CHCHD6: variants seen among roughly 807,000 people sequenced by gnomAD.
CHCHD6 encodes the protein coiled-coil-helix-coiled-coil-helix domain containing 6, also known as MICOS complex subunit MIC25.
In CHCHD6, 28 loss-of-function variants were observed where a neutral mutation model predicts 32.3. The ratio of observed to expected loss-of-function variants is 0.87; its 90% CI spans 0.64 to 1.19. The LOEUF is 1.19. Ranked by LOEUF, CHCHD6 falls within the 50% of genes most tolerant of loss-of-function variation. CHCHD6 has a pLI of 0.00. For missense variants in CHCHD6, 333 were observed against 307.0 expected (o/e 1.08, Z -0.63); for synonymous variants, 122 against 117.5 (o/e 1.04, Z -0.25).
At position 126,876,965 on chromosome 3, in the gene CHCHD6, A is replaced by G. The variant is rs377065277; in HGVS notation, c.495+24235A>G. Among the ~76,000 whole-genome samples, 32 of 152,332 alleles carry G rather than the reference A, an allele frequency of 2.1e-4. No individual in the cohort carries two copies. In the East Asian group the frequency reaches 2.3e-3, roughly 11 times the overall value. ...TTGCAATGGAATCTGAGCAGCATCCAAAGCACTTTGGGTAGGAGGAGCATC... is the reference window on the plus strand; with the variant it reads ...TTGCAATGGAATCTGAGCAGCATCCGAAGCACTTTGGGTAGGAGGAGCATC... On this transcript the variant is annotated intron_variant, in intron 5 of 7. Coordinates refer to ENST00000290913, the MANE Select transcript of CHCHD6 (RefSeq NM_032343.3).
In CHCHD6 at chr3:126,899,278, T is replaced by C. The variant is rs1012272343; in HGVS notation, c.496-15402T>C. ...TAACTCACAGAGTTTTCCTTATTCC[T>C]ATCCTGGTCGTTGTTTTGATTATGA... On this transcript the variant is annotated intron_variant, in intron 5 of 7. Coordinates refer to ENST00000290913, the MANE Select transcript of CHCHD6 (RefSeq NM_032343.3). Among the ~76,000 whole-genome samples, 37 of 152,354 alleles carry C rather than the reference T, an allele frequency of 2.4e-4. 1 individual carries two copies. Among genetic ancestry groups the C allele is most frequent in the African/African-American group, 7.9e-4 (33 of 41,588 alleles).
chr3:126,935,210 G>A lies in CHCHD6; in HGVS notation c.566+20460G>A, dbSNP rs2078462127. ...AGGTAGTGGTGAGCGGGATGGCAGG[G>A]CTGGCATGAGGCAGAGGGCTCAGTG... On this transcript the variant is annotated intron_variant, in intron 6 of 7. Coordinates refer to ENST00000290913, the MANE Select transcript of CHCHD6 (RefSeq NM_032343.3). 16 of 949,176 alleles carry A rather than the reference G, an allele frequency of 1.7e-5. No individual in the cohort carries two copies. The South Asian group carries it at 7.3e-4, about 43-fold the overall frequency. The allele number at this position is 949,176 out of a possible 1,614,324, so 58.8% of individuals were successfully genotyped here.
intron 4 of CHCHD6, among the ~76,000 whole-genome samples, chr3:126,764,457 T>A (rs923358173): frequency 6.6e-6 from 1 of 152,142 alleles, no homozygotes; most frequent in Non-Finnish European, 1.5e-5. Context: ...TTAAAGGATT[T>A]AACCCATTCG....
intron 4 of CHCHD6, among the ~76,000 whole-genome samples, chr3:126,840,100 G>A (rs776262134): frequency 1.3e-5 from 2 of 152,090 alleles, no homozygotes; most frequent in Admixed American, 6.5e-5. Context: ...TTAGCGTAAC[G>A]TTTTCAAGGT....
chr3:126,706,309 A>G (rs1934485762), intron 1 of CHCHD6, among the ~76,000 whole-genome samples: 2 of 152,234 alleles, frequency 1.3e-5, no homozygotes, highest in African/African-American at 4.8e-5. Context: ...CTCTGTATTT[A>G]AAGATGGAGA....
chr3:126,797,893 A>G (rs770831713), intron 4 of CHCHD6, among the ~76,000 whole-genome samples: 4 of 152,114 alleles, frequency 2.6e-5, no homozygotes, highest in South Asian at 2.1e-4. Flanking sequence ...GAAGAGTAAC[A>G]GGGCGCCTCC....
At chr3:126,907,885 A>G (rs1285034481) in intron 5 of CHCHD6, among the ~76,000 whole-genome samples, 1 of 152,060 alleles carries the variant, frequency 6.6e-6, no homozygotes, top group Non-Finnish European at 1.5e-5. Context: ...TTCCCAAGGG[A>G]CAGCTGGGTA....
intron 4 of CHCHD6, among the ~76,000 whole-genome samples, chr3:126,752,474 G>A (rs1420927555): frequency 6.6e-6 from 1 of 152,204 alleles, no homozygotes; most frequent in African/African-American, 2.4e-5. Context: ...GGGCAGGGTG[G>A]GGAGAAGGCC....
At chr3:126,791,527 C>T (rs1450983500) in intron 4 of CHCHD6, among the ~76,000 whole-genome samples, 5 of 152,238 alleles carry the variant, frequency 3.3e-5, no homozygotes, top group African/African-American at 9.6e-5. Context: ...CAATGGCGGG[C>T]GCCCCTCCCC....
At chr3:126,845,861 T>G (rs1941277586) in intron 4 of CHCHD6, among the ~76,000 whole-genome samples, 1 of 152,164 alleles carries the variant, frequency 6.6e-6, no homozygotes, top group African/African-American at 2.4e-5. Context: ...TCCTCTTTCA[T>G]AAAAGCAATG....
At chr3:126,721,367 A>G (rs1935282988) in intron 1 of CHCHD6, among the ~76,000 whole-genome samples, 1 of 152,248 alleles carries the variant, frequency 6.6e-6, no homozygotes. Flanking sequence ...GCCCTAGGCT[A>G]TGAAGCTTCT....
intron 4 of CHCHD6, among the ~76,000 whole-genome samples, chr3:126,821,094 T>C (rs1460261043): frequency 6.6e-6 from 1 of 152,224 alleles, no homozygotes; most frequent in Non-Finnish European, 1.5e-5. Flanking sequence ...GCCTTTGTGG[T>C]TGGCTTCTTT....
In CHCHD6 at chr3:126,790,205, A is replaced by T. The variant is rs1938455382; in HGVS notation, c.411+56983A>T. Among the ~76,000 whole-genome samples the T allele has an allele frequency of 3.9e-5, 6 of 152,064 alleles. No homozygotes were observed. In the South Asian group the frequency reaches 1.2e-3, roughly 32 times the overall value. ...TGCTGAGAGATCAGCTGTTAGTCTG[A>T]TGGGCTTCCCTTTGTGGGTAACCCA... On this transcript the variant is annotated intron_variant, in intron 4 of 7. Coordinates refer to ENST00000290913, the MANE Select transcript of CHCHD6 (RefSeq NM_032343.3).
intron 4 of CHCHD6, among the ~76,000 whole-genome samples, chr3:126,748,360 C>T (rs143582030): frequency 0.023 from 3,477 of 152,220 alleles, 108 homozygotes; most frequent in East Asian, 0.15. Flanking sequence ...TTTGGGAAGC[C>T]AAGGCGGATG....
chr3:126,825,656 A>G (rs1208541666), intron 4 of CHCHD6, among the ~76,000 whole-genome samples: 1 of 152,104 alleles, frequency 6.6e-6, no homozygotes, highest in African/African-American at 2.4e-5. Flanking sequence ...ATCTTTCTTT[A>G]TCTCTAGTGA....
At chr3:126,852,277 C>T (rs71327774) in intron 4 of CHCHD6, among the ~76,000 whole-genome samples, 6,991 of 152,260 alleles carry the variant, frequency 0.046, 208 homozygotes, top group Non-Finnish European at 0.066. Context: ...AGCTTTCAGA[C>T]AACTACTTAG....
At chr3:126,914,470 C>T (rs1006920647) in intron 5 of CHCHD6, among the ~76,000 whole-genome samples, 1 of 152,216 alleles carries the variant, frequency 6.6e-6, no homozygotes, top group Non-Finnish European at 1.5e-5. Context: ...TAGAGGATCT[C>T]ATAACGCACT....
chr3:126,736,699 T>C (rs1425713024), intron 4 of CHCHD6, among the ~76,000 whole-genome samples: 1 of 152,168 alleles, frequency 6.6e-6, no homozygotes, highest in Non-Finnish European at 1.5e-5. Flanking sequence ...GTTCTGTGCG[T>C]GTCAATGTGT....
Position 126,960,315 on chromosome 3 carries a change from C to A in CHCHD6, c.*114C>A. 7.7e-7 allele frequency: 1 copy of A among 1,290,446 alleles called. No individual in the cohort carries two copies. Among genetic ancestry groups the A allele is most frequent in the Non-Finnish European group, 1.1e-6 (1 of 915,812 alleles). The allele number at this position is 1,290,446 out of a possible 1,614,324, so 79.9% of individuals were successfully genotyped here. ...TTCCTGCTGGGCCCCTGCATATGCC[C>A]CTGAGCCTGGGGCTGCCACGTGTTT... On this transcript the variant is annotated 3_prime_UTR_variant, in exon 8 of 8. Coordinates refer to ENST00000290913, the MANE Select transcript of CHCHD6 (RefSeq NM_032343.3).
Sources: allele counts gnomAD v4.1 joint callset (sites outside exome capture counted in the v4.1 genomes callset), GRCh38; gene constraint gnomAD v4.1.1; transcripts MANE v1.5; gene names NCBI Gene and HGNC (gene_info 2026-07-23, HGNC 2026-07-21).